Variants in LINGO2 observed in about 807,000 individuals in gnomAD.
LINGO2 encodes leucine rich repeat and Ig domain containing 2.
Under a neutral mutation model 30.6 loss-of-function variants are expected in LINGO2, and 14 were observed. The observed-to-expected ratio is 0.46, with a 90% CI of 0.30 to 0.72. LINGO2 has a LOEUF of 0.72. Ranked by LOEUF, LINGO2 falls within the 30% of genes least tolerant of loss-of-function variation. The pLI is 0.07. For synonymous variants in LINGO2, 317 were observed against 288.5 expected, an observed-to-expected ratio of 1.10 and a Z score of -1.00; for missense variants, 729 against 751.7, an observed-to-expected ratio of 0.97 and a Z score of 0.35.
At chr9:28,694,520 T>A in the LINGO2 span, among the ~76,000 whole-genome samples, 2 of 152,068 alleles carry the variant, frequency 1.3e-5, no homozygotes, top group African/African-American at 4.8e-5. Context: ...AGCAATCAGG[T>A]AATGCTTACT....
At chr9:28,423,953 T>C (rs940815559) in intron 2 of LINGO2, among the ~76,000 whole-genome samples, 2 of 152,098 alleles carry the variant, frequency 1.3e-5, no homozygotes. Context: ...CAGGTTTAAA[T>C]AGAAAAATCA....
chr9:28,087,022 T>C (rs1002103138), intron 4 of LINGO2, among the ~76,000 whole-genome samples: 1 of 152,118 alleles, frequency 6.6e-6, no homozygotes, highest in African/African-American at 2.4e-5. Flanking sequence ...AAGCCCAGGC[T>C]TCACATGGCC....
At chr9:28,254,071 A>G (rs1414385056) in intron 4 of LINGO2, among the ~76,000 whole-genome samples, 1 of 152,020 alleles carries the variant, frequency 6.6e-6, no homozygotes, top group Non-Finnish European at 1.5e-5. Context: ...CTAATATTTC[A>G]TGGCCGTGTG....
chr9:28,271,713 C>G (rs1822947769), intron 4 of LINGO2, among the ~76,000 whole-genome samples: 1 of 152,106 alleles, frequency 6.6e-6, no homozygotes, highest in African/African-American at 2.4e-5. Context: ...AGAAGGAAGT[C>G]AAACGTGGCT....
the LINGO2 span, among the ~76,000 whole-genome samples, chr9:28,959,587 ATC>A: frequency 1.4e-4 from 15 of 107,508 alleles, no homozygotes; most frequent in South Asian, 6.3e-4. Flanking sequence ...CTTTTCTTTT[ATC>A]TCTCTCTCTC....
rs989790454 is a variant in LINGO2 at position 28,147,696 on chromosome 9, G to A, written c.-86-135291C>T. 7.9e-5 allele frequency among the ~76,000 whole-genome samples: 12 copies of A among 152,074 alleles called. No individual in the cohort carries two copies. Among genetic ancestry groups the A allele is most frequent in the East Asian group, 5.8e-4 (3 of 5,146 alleles). On this transcript the variant is annotated intron_variant, in intron 4 of 5. Coordinates refer to ENST00000379992, the Ensembl canonical transcript of LINGO2. This position sits in a 1 kb window ranked among gnomAD's most constrained non-coding sequence, Gnocchi z 4.7. The stretch of plus-strand genomic sequence containing the variant: ...AGCCCCGCACCCCCAACAGCCCCAC[G>A]GGGGGGCCCGTCCAGGGCCACACAA...
chr9:28,012,195 A>G (rs1563910708), intron 5 of LINGO2, among the ~76,000 whole-genome samples: 2 of 152,184 alleles, frequency 1.3e-5, no homozygotes, highest in East Asian at 3.9e-4. Flanking sequence ...TGGCTGGGAA[A>G]AGAGTGGAGG....
At chr9:29,040,184 TA>T in the LINGO2 span, among the ~76,000 whole-genome samples, 2 of 152,254 alleles carry the variant, frequency 1.3e-5, no homozygotes, top group East Asian at 3.9e-4. Context: ...TCTATTATAT[TA>T]TTATGCAACT....
chr9:28,379,175 TG>T (rs1821241781), intron 2 of LINGO2, among the ~76,000 whole-genome samples: 1 of 152,034 alleles, frequency 6.6e-6, no homozygotes, highest in Non-Finnish European at 1.5e-5. Flanking sequence ...GTCTTTCATA[TG>T]GTAAATTTTG....
chr9:28,161,491 A>C (rs138877969), intron 4 of LINGO2, among the ~76,000 whole-genome samples: 115 of 152,318 alleles, frequency 7.5e-4, no homozygotes, highest in African/African-American at 2.7e-3. Flanking sequence ...CTTATTAAAA[A>C]TTATTTAGTA....
the LINGO2 span, among the ~76,000 whole-genome samples, chr9:28,980,980 T>C: frequency 1.3e-5 from 2 of 152,104 alleles, no homozygotes; most frequent in Non-Finnish European, 2.9e-5. Flanking sequence ...AAGTAATTAT[T>C]GAGGAAGGAG....
At chr9:29,177,553 G>A in the LINGO2 span, among the ~76,000 whole-genome samples, 3 of 152,012 alleles carry the variant, frequency 2.0e-5, no homozygotes, top group Non-Finnish European at 4.4e-5. Flanking sequence ...AAAAAAACAT[G>A]GATATGTCCC....
chr9:28,879,518 A>T, the LINGO2 span, among the ~76,000 whole-genome samples: 2 of 152,204 alleles, frequency 1.3e-5, no homozygotes, highest in South Asian at 2.1e-4. Flanking sequence ...TAGATTCTAC[A>T]TGTTTCTTCC....
At chr9:28,056,080 C>A (rs554674817) in intron 4 of LINGO2, among the ~76,000 whole-genome samples, 1 of 152,274 alleles carries the variant, frequency 6.6e-6, no homozygotes, top group South Asian at 2.1e-4. Context: ...AAGAAAGGAG[C>A]TCCCCGCTTT....
the LINGO2 span, among the ~76,000 whole-genome samples, chr9:28,937,236 G>A: frequency 2.6e-5 from 4 of 150,970 alleles, no homozygotes; most frequent in East Asian, 1.9e-4. Flanking sequence ...TCCCAGTATC[G>A]ACTCCAAGAT....
At chr9:29,094,944 T>C in the LINGO2 span, among the ~76,000 whole-genome samples, 1 of 138,740 alleles carries the variant, frequency 7.2e-6, no homozygotes, top group Admixed American at 7.4e-5. Flanking sequence ...CAGTAATTTC[T>C]TATATGAAAT....
chr9:28,565,833 C>T (rs1050525891), intron 1 of LINGO2, among the ~76,000 whole-genome samples: 5 of 152,152 alleles, frequency 3.3e-5, no homozygotes, highest in Middle Eastern at 3.4e-3. Context: ...GGATTACAGG[C>T]GTGAGCCACT....
the LINGO2 span, among the ~76,000 whole-genome samples, chr9:28,933,282 C>T: frequency 2.6e-5 from 4 of 152,272 alleles, no homozygotes; most frequent in Non-Finnish European, 5.9e-5. Context: ...CAACATATCA[C>T]CACCCTGCTT....
chr9:28,313,589 A>C (rs555036016), intron 3 of LINGO2, among the ~76,000 whole-genome samples: 1 of 152,298 alleles, frequency 6.6e-6, no homozygotes, highest in South Asian at 2.1e-4. Flanking sequence ...TGTCTGTAAG[A>C]CAGCCCATTC....
Sources: gnomAD v4.1 joint callset for allele counts (sites outside exome capture counted in the v4.1 genomes callset) on GRCh38, gnomAD v4.1.1 for gene constraint, Gnocchi (gnomAD v3.1) non-coding constraint, MANE v1.5 for transcripts, NCBI Gene and HGNC (gene_info 2026-07-23, HGNC 2026-07-21) for gene names.